Variants in CYP2A6 observed in about 807,000 individuals in gnomAD.
CYP2A6 encodes the protein cytochrome P450 2A6.
CYP2A6 carries 27 observed loss-of-function variants against 42.3 expected under a neutral mutation model. The ratio of observed to expected loss-of-function variants is 0.64; its 90% confidence interval spans 0.47 to 0.88. The LOEUF (loss-of-function observed/expected upper bound fraction) is 0.88. Among genes scored for constraint, CYP2A6 ranks in the 40% least tolerant of loss-of-function variants. The pLI is 0.00. For synonymous variants in CYP2A6, 238 were observed against 246.3 expected (o/e 0.97, Z 0.31); for missense variants, 628 against 646.0 (o/e 0.97, Z 0.30).
At chr19:40,846,510 A>AT (rs1390960695) in intron 5 of CYP2A6, among the ~76,000 whole-genome samples, 1 of 150,550 alleles carries the variant, frequency 6.6e-6, no homozygotes, top group African/African-American at 2.4e-5. Flanking sequence ...CAATTAATTA[A>AT]TTTTTTTTGA....
chr19:40,846,977 C>A lies in CYP2A6; in HGVS notation c.729G>T (p.Gly243=). The A allele has an allele frequency of 6.2e-7, 1 of 1,612,020 alleles. No individual in the cohort carries two copies. The highest frequency in any genetic ancestry group is 8.5e-7 in the Non-Finnish European group (1 of 1,179,912). The change falls in exon 5 of 9, where the codon GGG becomes GGT. Residue 243 remains glycine (G), a synonymous_variant. Coordinates refer to ENST00000301141, the MANE Select transcript of CYP2A6 (RefSeq NM_000762.6). ...PQQQAFQLLQ[G]LEDFIAKKVE... ...CCTTCTTGGCTATGAAGTCCTCCAGCCCTTGCAGCAACTGAAAGGCCTGTT... is the reference window on the plus strand; with the variant it reads ...CCTTCTTGGCTATGAAGTCCTCCAGACCTTGCAGCAACTGAAAGGCCTGTT...
Position 40,846,041 on chromosome 19 carries a change from C to CA in CYP2A6, c.887dup (p.Leu296PhefsTer34). The stretch of plus-strand genomic sequence containing the variant: ...TCTCGGTGCCCCCAATGAAGAGGTT[C>CA]AACGTGGTCATCACCAGGTTTTTCA... On this transcript the variant is annotated frameshift_variant, in exon 6 of 9. Transcript: ENST00000301141. LOFTEE classifies it high-confidence loss of function. 6.2e-7 allele frequency: 1 copy of CA among 1,611,600 alleles called. No individual in the cohort carries two copies. Among genetic ancestry groups the CA allele is most frequent in the Non-Finnish European group, 8.5e-7 (1 of 1,179,860 alleles).
chr19:40,845,588 G>A (rs769325107), intron 6 of CYP2A6, 107 bp from the exon 7 acceptor site: 26 of 1,509,696 alleles, frequency 1.7e-5, no homozygotes, highest in Non-Finnish European at 2.1e-5. Context: ...CCTATGAGAC[G>A]GAAGTAGAGC....
chr19:40,845,115 T>C (rs1433511570), intron 7 of CYP2A6, 179 bp downstream of exon 7: 11 of 733,218 alleles, frequency 1.5e-5, no homozygotes, highest in Admixed American at 1.1e-4. Context: ...TCTGGAGAGA[T>C]GCAGGACTCA....
chr19:40,843,718 G>A lies in CYP2A6; in HGVS notation c.*78C>T. 7.4e-7 allele frequency: 1 copy of A among 1,355,614 alleles called. No individual in the cohort carries two copies. Among genetic ancestry groups the A allele is most frequent in the South Asian group, 1.3e-5 (1 of 74,368 alleles). The allele number at this position is 1,355,614 out of a possible 1,614,324, so 84.0% of individuals were successfully genotyped here. A position where few individuals can be genotyped will look rare whatever the true frequency, so the allele number is the denominator to read the frequency against. ...CCATCCTGCCCCCAGTCTTAGCTGCGCCCCTCTCCCAAGCCCGGTCTTGGC... is the reference window on the plus strand; with the variant it reads ...CCATCCTGCCCCCAGTCTTAGCTGCACCCCTCTCCCAAGCCCGGTCTTGGC... On this transcript the variant is annotated 3_prime_UTR_variant, in exon 9 of 9. Coordinates refer to ENST00000301141, the MANE Select transcript of CYP2A6 (RefSeq NM_000762.6).
chr19:40,850,048 T>A, intron 1 of CYP2A6, 68 bp from the exon 2 acceptor site: 1 of 1,587,338 alleles, frequency 6.3e-7, no homozygotes, highest in Non-Finnish European at 8.6e-7. Context: ...AGCACCGAGA[T>A]GTCATGTGCT....
In CYP2A6 at chr19:40,845,184, G is replaced by T. The variant is rs756972664; in HGVS notation, c.1161+110C>A. On this transcript the variant is annotated intron_variant, in intron 7 of 8. Coordinates refer to ENST00000301141, the MANE Select transcript of CYP2A6 (RefSeq NM_000762.6). ...GTGGTTGGGGAAGTCTTTTTTGACT[G>T]ATTGAGGGAGTGGGACAGGGTCTAG... The T allele has an allele frequency of 3.5e-6, 5 of 1,409,984 alleles. No individual in the cohort carries two copies. In the Admixed American group the frequency reaches 7.2e-5, roughly 20 times the overall value. The allele number at this position is 1,409,984 out of a possible 1,614,324, so 87.3% of individuals were successfully genotyped here.
At chr19:40,848,799 G>C (rs572417875) in intron 2 of CYP2A6, 36 bp from the exon 3 acceptor site, 2 of 1,585,090 alleles carry the variant, frequency 1.3e-6, no homozygotes, top group Admixed American at 1.8e-5. Context: ...GACAGGCCAG[G>C]GGGCGGCAGG....
chr19:40,845,220 A>G (rs1163297836), intron 7 of CYP2A6, 74 bp downstream of exon 7: 4 of 1,587,096 alleles, frequency 2.5e-6, no homozygotes, highest in Middle Eastern at 1.7e-4. Context: ...AAAGCTTCTA[A>G]TGTGGGTGGG....
In CYP2A6 at chr19:40,848,870, G is replaced by T. The variant is rs1967151964; in HGVS notation, c.344-107C>A. ...GGTGGAGGAGAGAGGGAGTAGGGTG[G>T]GAGAGAGATGGATTCAGCGCCATTG... On this transcript the variant is annotated intron_variant, in intron 2 of 8. Transcript: ENST00000301141. The T allele has an allele frequency of 3.8e-6, 5 of 1,326,372 alleles. 1 individual carries two copies. Among genetic ancestry groups the T allele is most frequent in the Non-Finnish European group, 3.1e-6 (3 of 976,016 alleles). 82.2% of individuals were successfully genotyped at this position (1,326,372 alleles called of 1,614,324 possible).
chr19:40,843,628 T>C lies in CYP2A6; in HGVS notation c.*168A>G, dbSNP rs573167674. The stretch of plus-strand genomic sequence containing the variant: ...CTCATCCCAGCTCGGAAGCACCTTA[T>C]CAAGGTGAACTGAGCCGCTTCTGTT... On this transcript the variant is annotated 3_prime_UTR_variant, in exon 9 of 9. Transcript: ENST00000301141. 9.2e-7 allele frequency: 1 copy of C among 1,082,394 alleles called. No individual in the cohort carries two copies. Among genetic ancestry groups the C allele is most frequent in the East Asian group, 3.3e-5 (1 of 29,860 alleles). The allele number at this position is 1,082,394 out of a possible 1,614,324, so 67.0% of individuals were successfully genotyped here. A position where few individuals can be genotyped will look rare whatever the true frequency, so the allele number is the denominator to read the frequency against.
rs1225811317 is a variant in CYP2A6, at chr19:40,848,730, T to C, written c.377A>G (p.Gln126Arg). 1 of 1,611,612 alleles carries C rather than the reference T, an allele frequency of 6.2e-7. No homozygotes were observed. The highest frequency in any genetic ancestry group is 1.3e-5 in the African/African-American group (1 of 74,668). Residue 126 changes from glutamine to arginine, a missense_variant, in exon 3 of 9, where the codon CAG becomes CGG. Physicochemically the swap from Gln to Arg is conservative, Grantham distance 43. This residue lies in a region of CYP2A6 where 606 missense variants were observed against 568.1 expected (regional missense o/e 1.07). Transcript: ENST00000301141. ...GGTGGCGATGGAGAAGCGCCGGAGC[T>C]GCTTGGCGCGCTCCCCGTTGCTGAA... ...VVFSNGERAK[Q>R]LRRFSIATLR...
intron 2 of CYP2A6, among the ~76,000 whole-genome samples, chr19:40,849,045 GGAGAGAGAGAGAGAGA>G (rs1164660108): frequency 4.1e-5 from 1 of 24,246 alleles, no homozygotes; most frequent in Non-Finnish European, 6.9e-5. Context: ...AAGAGAGAGA[GGAGAGAGAGAGAGAGA>G]GAGAGAGAGA....
chr19:40,844,694 G>A lies in CYP2A6; in HGVS notation c.1240C>T (p.Gln414Ter), dbSNP rs1324821426. 4 of 1,611,754 alleles carry A rather than the reference G, an allele frequency of 2.5e-6. No individual in the cohort carries two copies. The highest frequency in any genetic ancestry group is 1.1e-5 in the South Asian group (1 of 90,914). The change falls in exon 8 of 9, where the codon CAG becomes TAG. Residue 414 changes from glutamine (Q) to a stop codon, truncating the protein, a stop_gained. Transcript: ENST00000301141. LOFTEE classifies it high-confidence loss of function. ...TGCCCCTTCTCATTCAGGAAGTGCT[G>A]GGGATTGAAGTCCTGGGGGTTGGAG... is the stretch of plus-strand genomic sequence containing the variant. ...FFSNPQDFNP[Q>*]HFLNEKGQFK... is the part of the protein sequence containing the mutation.
chr19:40,843,860 G>A lies in CYP2A6; in HGVS notation c.1421C>T (p.Ser474Phe). 1 of 1,612,094 alleles carries A rather than the reference G, an allele frequency of 6.2e-7. No homozygotes were observed. The highest frequency in any genetic ancestry group is 8.5e-7 in the Non-Finnish European group (1 of 1,179,722). ...CGTGGCAAAGCCCACGTGTTTGGGG[G>A]ACACGTCAATGTCCTTAGGTGACTG... ...SSQSPKDIDV[S>F]PKHVGFATIP... The change falls in exon 9 of 9, where the codon TCC becomes TTC. Residue 474 changes from serine (S) to phenylalanine (F), a missense_variant. Physicochemically the swap from Ser to Phe is radical, Grantham distance 155 (BLOSUM62 -2). Coordinates refer to ENST00000301141, the MANE Select transcript of CYP2A6 (RefSeq NM_000762.6).
intron 2 of CYP2A6, among the ~76,000 whole-genome samples, chr19:40,849,089 A>G (rs901802941): frequency 7.0e-6 from 1 of 143,062 alleles, no homozygotes. Flanking sequence ...AGAGAGAGAG[A>G]CCAGGTTTAA....
At chr19:40,849,729 C>G in intron 2 of CYP2A6, 89 bp downstream of exon 2, 1 of 1,579,218 alleles carries the variant, frequency 6.3e-7, no homozygotes, top group Non-Finnish European at 8.6e-7. Context: ...CCTTAGCCTC[C>G]AGTTGGCAGG....
chr19:40,849,781 C>G, intron 2 of CYP2A6, 37 bp downstream of exon 2: 1 of 1,607,714 alleles, frequency 6.2e-7, no homozygotes, highest in South Asian at 1.1e-5. Context: ...CCTTCGTGTC[C>G]ACCTGGCCAC....
chr19:40,849,045 G>GGAGAGA (rs1164660108), intron 2 of CYP2A6, among the ~76,000 whole-genome samples: 333 of 24,170 alleles, frequency 0.014, 31 homozygotes, highest in Middle Eastern at 0.062. Context: ...AAGAGAGAGA[G>GGAGAGA]GAGAGAGAGA....
Sources: gnomAD v4.1 joint callset for allele counts (sites outside exome capture counted in the v4.1 genomes callset) on GRCh38, gnomAD v4.1.1 for gene constraint, gnomAD v4.1.1 regional missense constraint, MANE v1.5 for transcripts, NCBI Gene and HGNC (gene_info 2026-07-23, HGNC 2026-07-21) for gene names.